Variants in TEKT5 observed in about 807,000 individuals in gnomAD.
TEKT5 encodes tektin 5.
In TEKT5, 52 loss-of-function variants were observed where a neutral mutation model predicts 48.7. The ratio of observed to expected loss-of-function variants is 1.07; its 90% CI spans 0.86 to 1.35. TEKT5 has a LOEUF of 1.35. TEKT5 is among the 40% of genes most tolerant of loss of function. The pLI is 0.00. For missense variants in TEKT5, 831 were observed against 641.6 expected, an observed-to-expected ratio of 1.30 and a Z score of -3.19; for synonymous variants, 318 against 267.6, an observed-to-expected ratio of 1.19 and a Z score of -1.84.
chr16:10,688,292 A>G (rs4780981), intron 3 of TEKT5, among the ~76,000 whole-genome samples: 1 of 152,194 alleles, frequency 6.6e-6, no homozygotes, highest in Middle Eastern at 3.4e-3. Flanking sequence ...TCTTTGCTCT[A>G]TGGGTAGCTT....
At chr16:10,650,108 ATTGC>A (rs570964100) in intron 5 of TEKT5, among the ~76,000 whole-genome samples, 2 of 125,278 alleles carry the variant, frequency 1.6e-5, no homozygotes, top group Admixed American at 1.6e-4. Context: ...GTCTTGCTCT[ATTGC>A]CCACGCTGGA....
At position 10,694,540 on chromosome 16, in the gene TEKT5, C is replaced by A; in HGVS notation, c.334G>T (p.Ala112Ser). 1 of 1,606,602 alleles carries A rather than the reference C, an allele frequency of 6.2e-7. No homozygotes were observed. The highest frequency in any genetic ancestry group is 1.1e-5 in the South Asian group (1 of 89,852). ...VRGAEASRLW[A>S]SRLTDDSMRL... ...ATGGAGTCATCCGTCAGCCGGCTGGCCCACAGCCGGGAGGCCTCGGCCCCA... is the reference window on the plus strand; with the variant it reads ...ATGGAGTCATCCGTCAGCCGGCTGGACCACAGCCGGGAGGCCTCGGCCCCA... Residue 112 changes from alanine (A) to serine (S), a missense_variant, in exon 1 of 7, where the codon GCC (alanine) becomes TCC (serine). Coordinates refer to ENST00000283025, the MANE Select transcript of TEKT5 (RefSeq NM_144674.2).
At chr16:10,683,435 G>T (rs1898795169) in intron 3 of TEKT5, among the ~76,000 whole-genome samples, 1 of 152,190 alleles carries the variant, frequency 6.6e-6, no homozygotes, top group Non-Finnish European at 1.5e-5. Flanking sequence ...CAGGGCCAGG[G>T]CTTAAGCCAG....
At chr16:10,674,978 C>G (rs1257786652) in intron 5 of TEKT5, among the ~76,000 whole-genome samples, 1 of 152,080 alleles carries the variant, frequency 6.6e-6, no homozygotes, top group Non-Finnish European at 1.5e-5. Flanking sequence ...GCAAGCACCA[C>G]CACACCTGGC....
intron 5 of TEKT5, among the ~76,000 whole-genome samples, chr16:10,664,687 C>T (rs1337197600): frequency 6.6e-6 from 1 of 152,210 alleles, no homozygotes; most frequent in Non-Finnish European, 1.5e-5. Context: ...TTGTTCCTCA[C>T]AGCTGGTAGG....
At chr16:10,669,469 T>C (rs1898518831) in intron 5 of TEKT5, among the ~76,000 whole-genome samples, 1 of 151,832 alleles carries the variant, frequency 6.6e-6, no homozygotes, top group African/African-American at 2.4e-5. Flanking sequence ...CAAAAAAAAA[T>C]TATAAAAGGG....
chr16:10,649,161 T>C (rs1898115413), intron 5 of TEKT5, among the ~76,000 whole-genome samples: 1 of 151,974 alleles, frequency 6.6e-6, no homozygotes. Context: ...CTATGTTGCC[T>C]AGGCTGGAGT....
At chr16:10,686,152 A>G (rs1034661959) in intron 3 of TEKT5, among the ~76,000 whole-genome samples, 1 of 152,224 alleles carries the variant, frequency 6.6e-6, no homozygotes, top group Non-Finnish European at 1.5e-5. Context: ...ATTTACAGTC[A>G]ATTGATTTTC....
chr16:10,690,812 T>C (rs1311963698), intron 1 of TEKT5: 7 of 983,168 alleles, frequency 7.1e-6, no homozygotes, highest in Non-Finnish European at 8.5e-6. Context: ...GCCCGTGATG[T>C]CACAAAGGGC....
chr16:10,650,865 A>G (rs1567227790), intron 5 of TEKT5, among the ~76,000 whole-genome samples: 1 of 149,580 alleles, frequency 6.7e-6, no homozygotes. Context: ...AGCCTGGGTG[A>G]CAGAGTAAGA....
At chr16:10,655,049 T>A (rs1316037448) in intron 5 of TEKT5, among the ~76,000 whole-genome samples, 1 of 151,120 alleles carries the variant, frequency 6.6e-6, no homozygotes, top group Non-Finnish European at 1.5e-5. Flanking sequence ...AAAGAATTTG[T>A]CTTTGCAGGC....
At chr16:10,655,207 C>T (rs1384579063) in intron 5 of TEKT5, among the ~76,000 whole-genome samples, 1 of 152,016 alleles carries the variant, frequency 6.6e-6, no homozygotes, top group Admixed American at 6.6e-5. Flanking sequence ...ACTCAAAAGC[C>T]CAATTACATA....
chr16:10,688,628 G>A (rs963214812), intron 3 of TEKT5, among the ~76,000 whole-genome samples: 2 of 152,226 alleles, frequency 1.3e-5, no homozygotes, highest in Non-Finnish European at 2.9e-5. Flanking sequence ...TGAGGCGGCT[G>A]CTTTCGGGGG....
At chr16:10,656,043 T>A (rs1473414746) in intron 5 of TEKT5, among the ~76,000 whole-genome samples, 1 of 152,220 alleles carries the variant, frequency 6.6e-6, no homozygotes, top group Admixed American at 6.5e-5. Context: ...TCAGCACTAC[T>A]GACATTTTGA....
intron 5 of TEKT5, among the ~76,000 whole-genome samples, chr16:10,659,771 T>C (rs1002967040): frequency 6.6e-6 from 1 of 152,112 alleles, no homozygotes; most frequent in Non-Finnish European, 1.5e-5. Flanking sequence ...ATTATTAGTG[T>C]TACGATAGCT....
intron 5 of TEKT5, among the ~76,000 whole-genome samples, chr16:10,665,862 C>T (rs1898447157): frequency 6.6e-6 from 1 of 152,200 alleles, no homozygotes; most frequent in Admixed American, 6.5e-5. Context: ...TTCCTGAGAG[C>T]TATAGCCTGA....
intron 5 of TEKT5, among the ~76,000 whole-genome samples, chr16:10,651,961 CA>C (rs969108487): frequency 2.6e-5 from 4 of 151,454 alleles, no homozygotes; most frequent in African/African-American, 9.7e-5. Flanking sequence ...GACTCCATCT[CA>C]AAAAAATAAA....
intron 5 of TEKT5, among the ~76,000 whole-genome samples, chr16:10,641,085 A>G (rs1363366306): frequency 2.6e-5 from 4 of 152,134 alleles, no homozygotes; most frequent in Non-Finnish European, 5.9e-5. Flanking sequence ...TTTCATTCCC[A>G]CCAGCAGTAT....
intron 5 of TEKT5, among the ~76,000 whole-genome samples, chr16:10,642,654 G>T (rs144047997): frequency 8.5e-5 from 13 of 152,258 alleles, no homozygotes; most frequent in African/African-American, 2.9e-4. Context: ...TTAGCCTATT[G>T]TAAGAATCAT....
Sources: gnomAD v4.1 joint callset for allele counts (sites outside exome capture counted in the v4.1 genomes callset) on GRCh38, gnomAD v4.1.1 for gene constraint, MANE v1.5 for transcripts, NCBI Gene and HGNC (gene_info 2026-07-23, HGNC 2026-07-21) for gene names.